The following USH2A variants were observed in gnomAD, a reference collection of about 807,000 sequenced individuals.
USH2A encodes Usher syndrome 2A (autosomal recessive, mild).
In USH2A, 443 loss-of-function variants were observed where a neutral mutation model predicts 538.9. The ratio of observed to expected loss-of-function variants is 0.82; its 90% CI spans 0.76 to 0.89. The LOEUF (loss-of-function observed/expected upper bound fraction) is 0.89. USH2A is among the 40% of genes least tolerant of loss of function. The pLI is 0.00. For synonymous variants in USH2A, 2,413 were observed against 2,273.5 expected (o/e 1.06, Z -1.75); for missense variants, 6,633 against 6,324.8 (o/e 1.05, Z -1.65).
At chr1:216,101,967 T>C (rs2032591995) in intron 21 of USH2A, among the ~76,000 whole-genome samples, 1 of 152,142 alleles carries the variant, frequency 6.6e-6, no homozygotes, top group South Asian at 2.1e-4. Flanking sequence ...AATTTAATCA[T>C]AAAAATCATA....
intron 21 of USH2A, among the ~76,000 whole-genome samples, chr1:216,114,423 C>A (rs1233137300): frequency 1.3e-5 from 2 of 152,088 alleles, no homozygotes; most frequent in Non-Finnish European, 2.9e-5. Context: ...TTGTCCCTAA[C>A]TAGTAAAAAT....
Position 215,901,030 on chromosome 1 carries a change from C to T in USH2A, c.7301-125G>A, listed in dbSNP as rs533812477. On this transcript the variant is annotated intron_variant, in intron 38 of 71. Coordinates refer to ENST00000307340, the MANE Select transcript of USH2A (RefSeq NM_206933.4). ...GATCAACAACAATGTTAAACATGGT[C>T]CATTTAATTTAACATTTTCATTCCT... 16 of 1,167,700 alleles carry T rather than the reference C, an allele frequency of 1.4e-5. No individual in the cohort carries two copies. The African/African-American group carries it at 2.3e-4, about 17-fold the overall frequency. 72.3% of individuals were successfully genotyped at this position (1,167,700 alleles called of 1,614,324 possible).
At position 215,931,196 on chromosome 1, in the gene USH2A, C is replaced by T. The variant is rs537203637; in HGVS notation, c.7300+3420G>A. Reference sequence around the variant, plus strand: ...CTATGTGCCAAGTTATTAGTAGCACCATCTTCTTACTTTAATTTCTATCTT... The same window carrying T: ...CTATGTGCCAAGTTATTAGTAGCACTATCTTCTTACTTTAATTTCTATCTT... On this transcript the variant is annotated intron_variant, in intron 38 of 71. Transcript: ENST00000307340. Among the ~76,000 whole-genome samples, 25 of 151,974 alleles carry T rather than the reference C, an allele frequency of 1.6e-4. No homozygotes were observed. The South Asian group carries it at 3.1e-3, about 19-fold the overall frequency.
rs1206308499 is a variant in USH2A, at chr1:215,624,940, C to A, written c.*841G>T. 1.3e-5 allele frequency: 2 copies of A among 152,106 alleles called. No homozygotes were observed. Among genetic ancestry groups the A allele is most frequent in the African/African-American group, 4.8e-5 (2 of 41,432 alleles). The allele number at this position is 152,106 out of a possible 1,614,324, so 9.4% of individuals were successfully genotyped here. A position where few individuals can be genotyped will look rare whatever the true frequency, so the allele number is the denominator to read the frequency against. On this transcript the variant is annotated 3_prime_UTR_variant, in exon 72 of 72. Coordinates refer to ENST00000307340, the MANE Select transcript of USH2A (RefSeq NM_206933.4). Reference sequence around the variant, plus strand: ...GTGCTAGGTTGAAGATGTCAGTATTCTCTGATATTCAGTGAATTGACAGAA... The same window carrying A: ...GTGCTAGGTTGAAGATGTCAGTATTATCTGATATTCAGTGAATTGACAGAA...
intron 13 of USH2A, among the ~76,000 whole-genome samples, chr1:216,234,795 A>T (rs961471568): frequency 1.3e-5 from 2 of 152,176 alleles, no homozygotes; most frequent in African/African-American, 2.4e-5. Context: ...AGTAGGGGAT[A>T]GCATTTTGGT....
At chr1:215,814,652 T>TG (rs1210541479) in intron 48 of USH2A, among the ~76,000 whole-genome samples, 1 of 152,084 alleles carries the variant, frequency 6.6e-6, no homozygotes, top group Non-Finnish European at 1.5e-5. Flanking sequence ...AGAAGGTCCT[T>TG]GCTTCCCCTT....
intron 38 of USH2A, among the ~76,000 whole-genome samples, chr1:215,907,116 G>A (rs900932084): frequency 6.6e-6 from 1 of 151,880 alleles, no homozygotes; most frequent in Non-Finnish European, 1.5e-5. Flanking sequence ...GAATTGTATG[G>A]GTTCTACAAA....
chr1:216,010,678 T>G (rs1668539050), intron 32 of USH2A, among the ~76,000 whole-genome samples: 2 of 151,556 alleles, frequency 1.3e-5, no homozygotes, highest in Non-Finnish European at 2.9e-5. Flanking sequence ...CTCTTAAAAC[T>G]CTCCAACTCT....
At chr1:216,122,757 A>G (rs2033163427) in intron 21 of USH2A, among the ~76,000 whole-genome samples, 1 of 152,184 alleles carries the variant, frequency 6.6e-6, no homozygotes, top group South Asian at 2.1e-4. Context: ...CCAAGGGACC[A>G]GGGTAGAATG....
chr1:216,284,316 C>T (rs2036841297), intron 11 of USH2A, among the ~76,000 whole-genome samples: 1 of 152,090 alleles, frequency 6.6e-6, no homozygotes, highest in African/African-American at 2.4e-5. Context: ...GGGGCAGTTT[C>T]TCCCATCCTA....
chr1:216,092,047 A>T (rs1300184457), intron 22 of USH2A, among the ~76,000 whole-genome samples: 1 of 152,216 alleles, frequency 6.6e-6, no homozygotes, highest in Admixed American at 6.5e-5. Flanking sequence ...AAATAAAAAA[A>T]AATAAAACAA....
At chr1:215,656,417 G>C (rs866909883) in intron 64 of USH2A, among the ~76,000 whole-genome samples, 3 of 152,254 alleles carry the variant, frequency 2.0e-5, no homozygotes, top group Middle Eastern at 6.8e-3. Flanking sequence ...ATAATATATG[G>C]TTTATGGATG....
chr1:216,217,652 G>C, intron 14 of USH2A, 102 bp from the exon 15 acceptor site: 1 of 1,366,298 alleles, frequency 7.3e-7, no homozygotes, highest in South Asian at 1.2e-5. Context: ...AAGACGGCTT[G>C]TTTTAGCCAA....
rs1244106036 is a variant in USH2A at position 216,191,633 on chromosome 1, CT to C, written c.4252-1267del. ...ATTATTGATATAATGAAGATACAAA[CT>C]TTTCTGTGAAATGTGATTTAAAATT... On this transcript the variant is annotated intron_variant, in intron 19 of 71. Transcript: ENST00000307340. Among the ~76,000 whole-genome samples the C allele has an allele frequency of 1.2e-4, 18 of 151,916 alleles. No homozygotes were observed. The South Asian group carries it at 1.2e-3, about 11-fold the overall frequency.
At chr1:216,215,521 C>T (rs766665756) in intron 15 of USH2A, among the ~76,000 whole-genome samples, 25 of 152,118 alleles carry the variant, frequency 1.6e-4, no homozygotes, top group Non-Finnish European at 3.5e-4. Context: ...TTTTCTGCTC[C>T]CCTCCTATTA....
chr1:215,861,869 C>T, intron 44 of USH2A, among the ~76,000 whole-genome samples: 1 of 121,738 alleles, frequency 8.2e-6, no homozygotes, highest in South Asian at 2.8e-4. Flanking sequence ...GAGACAGAGT[C>T]TCACTCTGTC....
chr1:215,990,919 G>C lies in USH2A; in HGVS notation c.6805+2101C>G, dbSNP rs1049790616. 3.3e-5 allele frequency among the ~76,000 whole-genome samples: 5 copies of C among 151,810 alleles called. No individual in the cohort carries two copies. The East Asian group carries it at 7.7e-4, about 24-fold the overall frequency. ...TGGGACTACAGGCACCTGCCACTATGCCCGGCTAATTTTTTGTATTTTTAG... is the reference window on the plus strand; with the variant it reads ...TGGGACTACAGGCACCTGCCACTATCCCCGGCTAATTTTTTGTATTTTTAG... On this transcript the variant is annotated intron_variant, in intron 35 of 71. Coordinates refer to ENST00000307340, the MANE Select transcript of USH2A (RefSeq NM_206933.4).
chr1:216,406,194 A>G (rs2039391962), intron 3 of USH2A, among the ~76,000 whole-genome samples: 1 of 152,180 alleles, frequency 6.6e-6, no homozygotes, highest in Non-Finnish European at 1.5e-5. Context: ...GAAAAATGGG[A>G]AATGTGAATA....
At chr1:215,834,104 A>C (rs1199435305) in intron 47 of USH2A, among the ~76,000 whole-genome samples, 2 of 152,162 alleles carry the variant, frequency 1.3e-5, no homozygotes, top group Admixed American at 6.5e-5. Flanking sequence ...TTGAACTCTC[A>C]TACAATGCTA....
Sources: gnomAD v4.1 joint callset for allele counts (sites outside exome capture counted in the v4.1 genomes callset) on GRCh38, gnomAD v4.1.1 for gene constraint, MANE v1.5 for transcripts, NCBI Gene and HGNC (gene_info 2026-07-23, HGNC 2026-07-21) for gene names.